The following SEPTIN6 variants were observed in gnomAD, a reference collection of about 807,000 sequenced individuals.
SEPTIN6 encodes septin-6.
In SEPTIN6, 8 loss-of-function variants were observed where a neutral mutation model predicts 33.6. That is an observed-to-expected ratio of 0.24 (90% confidence interval 0.14 to 0.43). The LOEUF is 0.43. Ranked by LOEUF, SEPTIN6 falls within the 20% of genes least tolerant of loss-of-function variation. The probability of loss-of-function intolerance (pLI) is 1.00; values close to 1 mark genes in which losing one functional copy is unlikely to be tolerated. For synonymous variants in SEPTIN6, 131 were observed against 140.0 expected (o/e 0.94, Z 0.45); for missense variants, 250 against 340.8 (o/e 0.73, Z 2.10).
chrX:119,620,611 A>C (rs1347864773), intron 10 of SEPTIN6, among the ~76,000 whole-genome samples: 2 of 100,703 alleles, frequency 2.0e-5, no homozygotes, highest in Non-Finnish European at 4.0e-5. Context: ...GAGCCACTGC[A>C]CCCGGCTCTT....
At chrX:119,630,634 T>C (rs1312625030) in intron 8 of SEPTIN6, among the ~76,000 whole-genome samples, 1 of 111,694 alleles carries the variant, frequency 9.0e-6, no homozygotes, top group Admixed American at 9.5e-5. Flanking sequence ...ATCCCAGTAG[T>C]CGGCTCAATC....
Position 119,675,636 on chromosome X carries a change from T to G in SEPTIN6, c.63A>C (p.Gly21=), listed in dbSNP as rs752393270. Residue 21 remains glycine (G), a synonymous_variant, in exon 2 of 11, where the codon GGA becomes GGC. Coordinates refer to ENST00000394610, the MANE Select transcript of SEPTIN6 (RefSeq NM_145799.4). Reference sequence around the variant, plus strand: ...CAGGCAAGCTGTCAAACCCCACATGTCCAGCCAGGGGGACAGTTCGGCAAC... The same window carrying G: ...CAGGCAAGCTGTCAAACCCCACATGGCCAGCCAGGGGGACAGTTCGGCAAC... ...GEGCRTVPLA[G]HVGFDSLPDQ... is the part of the protein sequence containing the mutation. 1 of 1,152,613 alleles carries G rather than the reference T, an allele frequency of 8.7e-7. No individual in the cohort carries two copies. The highest frequency in any genetic ancestry group is 2.0e-5 in the South Asian group (1 of 48,979). 95.0% of individuals were successfully genotyped at this position (1,152,613 alleles called of 1,213,427 possible).
intron 9 of SEPTIN6, among the ~76,000 whole-genome samples, chrX:119,628,297 T>TC: frequency 1.0e-5 from 1 of 98,769 alleles, no homozygotes; most frequent in Non-Finnish European, 2.0e-5. Flanking sequence ...TTTTTTTTTT[T>TC]AGATGGAGTC....
At chrX:119,656,540 C>T (rs776323111) in intron 3 of SEPTIN6, among the ~76,000 whole-genome samples, 91 of 112,373 alleles carry the variant, frequency 8.1e-4, no homozygotes, top group Non-Finnish European at 1.5e-3. Context: ...AAATTATTCA[C>T]AGTAGCCCAA....
chrX:119,637,399 A>G (rs748761534), intron 6 of SEPTIN6, among the ~76,000 whole-genome samples: 1 of 112,572 alleles, frequency 8.9e-6, no homozygotes, highest in East Asian at 2.8e-4. Context: ...AAACTGTGAT[A>G]TCATAAAAAT....
At chrX:119,665,197 G>A (rs1315566289) in intron 2 of SEPTIN6, among the ~76,000 whole-genome samples, 5 of 106,809 alleles carry the variant, frequency 4.7e-5, no homozygotes, top group Non-Finnish European at 7.7e-5. Flanking sequence ...TCTGCCTCCC[G>A]GGTTCAAGTG....
At chrX:119,638,261 A>T (rs748791422) in intron 6 of SEPTIN6, among the ~76,000 whole-genome samples, 2 of 111,555 alleles carry the variant, frequency 1.8e-5, no homozygotes, top group East Asian at 5.6e-4. Flanking sequence ...AGGGGACCCC[A>T]CTTTCTGGCC....
intron 4 of SEPTIN6, among the ~76,000 whole-genome samples, chrX:119,652,652 G>T (rs190792059): frequency 1.8e-5 from 2 of 111,065 alleles, no homozygotes; most frequent in African/African-American, 6.5e-5. Flanking sequence ...GACAGCTCAG[G>T]GCAAGCCCAT....
At chrX:119,660,582 T>C (rs2054520193) in intron 3 of SEPTIN6, among the ~76,000 whole-genome samples, 1 of 112,212 alleles carries the variant, frequency 8.9e-6, no homozygotes, top group Non-Finnish European at 1.9e-5. Flanking sequence ...ATATGTTGAA[T>C]GTATGTAACT....
intron 1 of SEPTIN6, among the ~76,000 whole-genome samples, chrX:119,685,881 T>A (rs1302807146): frequency 5.4e-5 from 6 of 111,284 alleles, no homozygotes; most frequent in Non-Finnish European, 3.8e-5. Context: ...ACTTCCCCAC[T>A]TTTTCCTCCT....
Position 119,619,950 on chromosome X carries a change from G to A in SEPTIN6, c.*143C>T, listed in dbSNP as rs1002524693. On this transcript the variant is annotated 3_prime_UTR_variant, in exon 11 of 11. Coordinates refer to ENST00000394610, the MANE Select transcript of SEPTIN6 (RefSeq NM_145799.4). ...CCTTGGCAGGAAGAGAGGAGAGGGC[G>A]CGGGTTGGATTGTATGCCCCCCAGG... is the stretch of plus-strand genomic sequence containing the variant. 8.5e-6 allele frequency: 10 copies of A among 1,179,726 alleles called. No individual in the cohort carries two copies. The highest frequency in any genetic ancestry group is 1.0e-5 in the Non-Finnish European group (9 of 884,097).
intron 2 of SEPTIN6, among the ~76,000 whole-genome samples, chrX:119,664,233 C>T (rs1169134416): frequency 1.8e-5 from 2 of 111,609 alleles, no homozygotes; most frequent in African/African-American, 6.5e-5. Context: ...CCACCCGCCT[C>T]GGCCTCCCAA....
chrX:119,655,416 T>C (rs931856767), intron 3 of SEPTIN6, among the ~76,000 whole-genome samples: 1 of 111,231 alleles, frequency 9.0e-6, no homozygotes, highest in African/African-American at 3.3e-5. Flanking sequence ...CACTCTGTTG[T>C]GCTGCTCACT....
chrX:119,644,973 T>A (rs774606743), intron 5 of SEPTIN6, among the ~76,000 whole-genome samples: 5 of 105,759 alleles, frequency 4.7e-5, no homozygotes, highest in African/African-American at 1.4e-4. Flanking sequence ...AATGGCACGA[T>A]CTCGGCTCAC....
chrX:119,672,232 C>T (rs1463289156), intron 2 of SEPTIN6, among the ~76,000 whole-genome samples: 2 of 111,649 alleles, frequency 1.8e-5, no homozygotes, highest in East Asian at 5.6e-4. Flanking sequence ...GTCTGTGACT[C>T]TTGAGGATGA....
At chrX:119,684,402 C>A (rs985043321) in intron 1 of SEPTIN6, among the ~76,000 whole-genome samples, 41 of 110,545 alleles carry the variant, frequency 3.7e-4, no homozygotes, top group Non-Finnish European at 7.0e-4. Context: ...CTGATAGCTT[C>A]CTCTGCTGCC....
At chrX:119,626,742 G>A (rs1030417028) in intron 9 of SEPTIN6, among the ~76,000 whole-genome samples, 31 of 110,130 alleles carry the variant, frequency 2.8e-4, no homozygotes, top group Admixed American at 2.5e-3. Context: ...AGGCTGAAGT[G>A]CAGTGGCATG....
At chrX:119,672,366 T>A (rs927939139) in intron 2 of SEPTIN6, among the ~76,000 whole-genome samples, 1 of 111,552 alleles carries the variant, frequency 9.0e-6, no homozygotes, top group Non-Finnish European at 1.9e-5. Flanking sequence ...AACTAGAGGA[T>A]GGGGGATTAC....
rs1326650376 is a variant in SEPTIN6, at chrX:119,617,103, T to C, written c.*2990A>G. The C allele has an allele frequency of 3.2e-5, 2 of 61,920 alleles. No homozygotes were observed. The highest frequency in any genetic ancestry group is 1.3e-3 in the East Asian group (1 of 782). The allele number at this position is 61,920 out of a possible 1,213,427, so 5.1% of individuals were successfully genotyped here. ...GAGAAGTGAGGGATGTGTGTACGTG[T>C]GTGTGTGTGTGTGTGTGTGTGTGTG... On this transcript the variant is annotated 3_prime_UTR_variant, in exon 11 of 11. Coordinates refer to ENST00000394610, the MANE Select transcript of SEPTIN6 (RefSeq NM_145799.4).
Sources: allele counts gnomAD v4.1 joint callset (sites outside exome capture counted in the v4.1 genomes callset), GRCh38; gene constraint gnomAD v4.1.1; transcripts MANE v1.5; gene names NCBI Gene and HGNC (gene_info 2026-07-23, HGNC 2026-07-21).